Variants in CIRBP observed in about 807,000 individuals in gnomAD.
The protein encoded by CIRBP is cold inducible RNA binding protein, also known as cold-inducible RNA-binding protein.
CIRBP carries 11 observed loss-of-function variants against 22.3 expected under a neutral mutation model. The ratio of observed to expected loss-of-function variants is 0.49; its 90% CI spans 0.31 to 0.82. CIRBP has a LOEUF of 0.82. CIRBP is among the 40% of genes least tolerant of loss of function. The probability of loss-of-function intolerance (pLI) is 0.05; values close to 1 mark genes in which losing one functional copy is unlikely to be tolerated. For missense variants in CIRBP, 456 were observed against 402.7 expected (o/e 1.13, Z -1.13); for synonymous variants, 216 against 158.8 (o/e 1.36, Z -2.71).
At position 1,271,971 on chromosome 19, in the gene CIRBP, T is replaced by C. The variant is rs1199699181; in HGVS notation, c.432-10T>C. On this transcript the variant is annotated splice_polypyrimidine_tract_variant and intron_variant, in intron 5 of 5. Transcript: ENST00000587896. ...TACCTTCCGGTACTCAACGTTTGTC[T>C]GTCTTGCAGCCGGAGTCAGAGTGGT... The C allele has an allele frequency of 6.2e-7, 1 of 1,602,428 alleles. No homozygotes were observed. The highest frequency in any genetic ancestry group is 1.1e-5 in the South Asian group (1 of 90,472).
At position 1,271,692 on chromosome 19, in the gene CIRBP, G is replaced by A. The variant is rs568775088; in HGVS notation, c.431+60G>A. ...TGCGGGATGGCCAGCTTCCGTCCCGGGTCCCAGGTCCCTGGGGGAGCTGAG... is the reference window on the plus strand; with the variant it reads ...TGCGGGATGGCCAGCTTCCGTCCCGAGTCCCAGGTCCCTGGGGGAGCTGAG... On this transcript the variant is annotated intron_variant, in intron 5 of 5. Coordinates refer to ENST00000587896, the MANE Select transcript of CIRBP (RefSeq NM_001300829.2). The A allele has an allele frequency of 3.7e-6, 4 of 1,090,064 alleles. No individual in the cohort carries two copies. In the East Asian group the frequency reaches 9.9e-5, roughly 27 times the overall value. The allele number at this position is 1,090,064 out of a possible 1,614,324, so 67.5% of individuals were successfully genotyped here.
At chr19:1,269,580 G>A (rs1251596370) in intron 1 of CIRBP, among the ~76,000 whole-genome samples, 170 bp downstream of exon 1, 3 of 151,602 alleles carry the variant, frequency 2.0e-5, no homozygotes, top group Non-Finnish European at 4.4e-5. Context: ...GTAGCGGCCA[G>A]AGGGCCTCTC....
intron 1 of CIRBP, chr19:1,269,739 G>GCGGGGC (rs1382078507): frequency 3.1e-5 from 12 of 383,790 alleles, no homozygotes; most frequent in South Asian, 2.3e-4. Flanking sequence ...CGCGGCGGGG[G>GCGGGGC]CGGGGCCACG....
chr19:1,271,869 T>C (rs577538184), intron 5 of CIRBP, 112 bp from the exon 6 acceptor site: 1 of 950,996 alleles, frequency 1.1e-6, no homozygotes. Context: ...GCTGGGGTCC[T>C]TGTTGTGTCC....
Position 1,272,519 on chromosome 19 carries a change from G to C in CIRBP, c.*76G>C. On this transcript the variant is annotated 3_prime_UTR_variant, in exon 6 of 6. Transcript: ENST00000587896. ...TGTGGGAGCTTCGCTGAACGTTAAT[G>C]TGTAGTAAATGCACCTCCTTGTATT... The C allele has an allele frequency of 8.0e-7, 1 of 1,248,442 alleles. No individual in the cohort carries two copies. Among genetic ancestry groups the C allele is most frequent in the East Asian group, 2.3e-5 (1 of 42,620 alleles). 77.3% of individuals were successfully genotyped at this position (1,248,442 alleles called of 1,614,324 possible). A position where few individuals can be genotyped will look rare whatever the true frequency, so the allele number is the denominator to read the frequency against.
In CIRBP at chr19:1,274,129, A is replaced by G. The variant is rs1049297741; in HGVS notation, c.*1686A>G. 5.1e-6 allele frequency: 2 copies of G among 392,348 alleles called. No homozygotes were observed. Among genetic ancestry groups the G allele is most frequent in the African/African-American group, 2.1e-5 (1 of 48,588 alleles). 24.3% of individuals were successfully genotyped at this position (392,348 alleles called of 1,614,324 possible). A position where few individuals can be genotyped will look rare whatever the true frequency, so the allele number is the denominator to read the frequency against. On this transcript the variant is annotated 3_prime_UTR_variant, in exon 6 of 6. Coordinates refer to ENST00000587896, the MANE Select transcript of CIRBP (RefSeq NM_001300829.2). ...CCATCCCATACGGGTAGCTGGCTCC[A>G]GCTGCGCCAAGGTGCAGACCCGCCC... is the stretch of plus-strand genomic sequence containing the variant.
At chr19:1,271,783 C>G in intron 5 of CIRBP, 151 bp downstream of exon 5, 1 of 704,094 alleles carries the variant, frequency 1.4e-6, no homozygotes, top group East Asian at 2.7e-5. Context: ...GGAGACTGCT[C>G]AGGACATTCG....
chr19:1,271,873 T>C (rs1462305493), intron 5 of CIRBP, 108 bp from the exon 6 acceptor site: 3 of 979,774 alleles, frequency 3.1e-6, no homozygotes, highest in Non-Finnish European at 4.7e-6. Flanking sequence ...GGGTCCTTGT[T>C]GTGTCCCCAG....
rs764673838 is a variant in CIRBP, at chr19:1,271,383, C to T, written c.265C>T (p.Arg89Ter). The part of the protein sequence containing the change: ...VDQAGKSSDN[R>*]SRGYRGGSAG... Reference sequence around the variant, plus strand: ...CCAGGCAGGCAAGTCGTCAGACAACCGATCCCGTGGGTACCGTGGTGGCTC... The same window carrying T: ...CCAGGCAGGCAAGTCGTCAGACAACTGATCCCGTGGGTACCGTGGTGGCTC... The change falls in exon 4 of 6, where the codon CGA (arginine) becomes TGA (stop). Residue 89 changes from arginine (R) to a stop codon, truncating the protein, a stop_gained. Transcript: ENST00000587896. LOFTEE classifies it high-confidence loss of function. 1.9e-6 allele frequency: 3 copies of T among 1,613,934 alleles called. No homozygotes were observed. The highest frequency in any genetic ancestry group is 2.5e-6 in the Non-Finnish European group (3 of 1,180,018).
Position 1,271,341 on chromosome 19 carries a change from C to T in CIRBP, c.223C>T (p.Arg75Trp). Residue 75 changes from arginine (R) to tryptophan (W), a missense_variant, in exon 4 of 6, where the codon CGG becomes TGG. Physicochemically the swap from Arg to Trp is moderately radical, Grantham distance 101. Transcript: ENST00000587896. ...CCTCTGTCTCCAGTCTGTAGATGGA[C>T]GGCAGATCCGAGTAGACCAGGCAGG... ...MAMNGKSVDG[R>W]QIRVDQAGKS... 8 of 1,614,010 alleles carry T rather than the reference C, an allele frequency of 5.0e-6. No individual in the cohort carries two copies. The highest frequency in any genetic ancestry group is 1.1e-5 in the South Asian group (1 of 91,084).
chr19:1,270,057 C>T (rs1458421621), intron 1 of CIRBP: 2 of 519,814 alleles, frequency 3.8e-6, no homozygotes, highest in Non-Finnish European at 7.7e-6. Context: ...TCTGTGTCAG[C>T]ACTGACCGCC....
At position 1,272,176 on chromosome 19, in the gene CIRBP, G is replaced by T; in HGVS notation, c.627G>T (p.Glu209Asp). The T allele has an allele frequency of 6.2e-7, 1 of 1,602,416 alleles. No individual in the cohort carries two copies. The highest frequency in any genetic ancestry group is 8.5e-7 in the Non-Finnish European group (1 of 1,175,146). Reference sequence around the variant, plus strand: ...CTTGTCACTGTGCTTGCCCAGAAGAGGCGCATCTGTCCTCTCAGAGCCATT... The same window carrying T: ...CTTGTCACTGTGCTTGCCCAGAAGATGCGCATCTGTCCTCTCAGAGCCATT... ...LRPCHCACPE[E>D]AHLSSQSHFY... is the part of the protein sequence containing the mutation. Residue 209 changes from glutamate (E) to aspartate (D), a missense_variant, in exon 6 of 6, where the codon GAG becomes GAT. Physicochemically the swap from Glu to Asp is conservative, Grantham distance 45. Around this residue, in one of 2 missense-constraint regions of CIRBP, gnomAD observed 426 missense variants for 339.6 expected, o/e 1.25. Transcript: ENST00000587896.
In CIRBP at chr19:1,271,051, G is replaced by C. The variant is rs2081330717; in HGVS notation, c.103+15G>C. 2 of 1,612,540 alleles carry C rather than the reference G, an allele frequency of 1.2e-6. No homozygotes were observed. The highest frequency in any genetic ancestry group is 8.5e-7 in the Non-Finnish European group (1 of 1,178,790). On this transcript the variant is annotated intron_variant, in intron 2 of 5. Transcript: ENST00000587896. ...GATCTCTGAAGGTGAGGCTGCTGCTGGGCCCGCGGCCCTGGGCGGGGGGGC... is the reference window on the plus strand; with the variant it reads ...GATCTCTGAAGGTGAGGCTGCTGCTCGGCCCGCGGCCCTGGGCGGGGGGGC...
Position 1,271,581 on chromosome 19 carries a change from G to A in CIRBP, c.380G>A (p.Arg127Gln), listed in dbSNP as rs938872187. The A allele has an allele frequency of 1.1e-5, 17 of 1,575,748 alleles. No homozygotes were observed. The highest frequency in any genetic ancestry group is 2.2e-5 in the East Asian group (1 of 44,622). ...GGGDRGYGGN[R>Q]FESRSGGYGG... The stretch of plus-strand genomic sequence containing the variant: ...GGGGACCGAGGCTATGGGGGGAACC[G>A]GTTCGAGTCCAGGAGTGGGGGCTAC... The change falls in exon 5 of 6, where the codon CGG (arginine) becomes CAG (glutamine). Residue 127 changes from arginine (R) to glutamine (Q), a missense_variant. Arg to Gln is a conservative substitution (Grantham distance 43, BLOSUM62 1). Around this residue, in one of 2 missense-constraint regions of CIRBP, gnomAD observed 426 missense variants for 339.6 expected, o/e 1.25. Coordinates refer to ENST00000587896, the MANE Select transcript of CIRBP (RefSeq NM_001300829.2).
intron 1 of CIRBP, chr19:1,269,752 G>C (rs1323595641): frequency 1.0e-5 from 4 of 401,808 alleles, no homozygotes; most frequent in African/African-American, 6.2e-5. Flanking sequence ...GGGCCACGTG[G>C]CGCCCCCGGT....
At position 1,273,975 on chromosome 19, in the gene CIRBP, C is replaced by T. The variant is rs1284161641; in HGVS notation, c.*1532C>T. 4.3e-6 allele frequency: 1 copy of T among 234,452 alleles called. No homozygotes were observed. Among genetic ancestry groups the T allele is most frequent in the Non-Finnish European group, 8.2e-6 (1 of 122,252 alleles). The allele number at this position is 234,452 out of a possible 1,614,324, so 14.5% of individuals were successfully genotyped here. On this transcript the variant is annotated 3_prime_UTR_variant, in exon 6 of 6. Coordinates refer to ENST00000587896, the MANE Select transcript of CIRBP (RefSeq NM_001300829.2). ...GATTGAAGACCAGTGAACGCCCCCG[C>T]CTTTTGGATTTTTTGCTCAATTGAC... is the stretch of plus-strand genomic sequence containing the variant.
intron 5 of CIRBP, 61 bp from the exon 6 acceptor site, chr19:1,271,920 G>C: frequency 2.1e-6 from 3 of 1,459,868 alleles, no homozygotes; most frequent in Non-Finnish European, 1.9e-6. Flanking sequence ...GGCTCAGCCT[G>C]TTGTGGCAGA....
Position 1,271,206 on chromosome 19 carries a change from T to C in CIRBP, c.170T>C (p.Ile57Thr), listed in dbSNP as rs768762783. ...RGFGFVTFEN[I>T]DDAKDAMMAM... is the part of the protein sequence containing the mutation. ...TTTGGGTTTGTCACCTTTGAGAACA[T>C]TGACGACGCTAAGGATGCCATGATG... is the stretch of plus-strand genomic sequence containing the variant. The change falls in exon 3 of 6, where the codon ATT becomes ACT. Residue 57 changes from isoleucine (I) to threonine (T), a missense_variant. Ile to Thr is a moderately conservative substitution (Grantham distance 89). Around this residue, in one of 2 missense-constraint regions of CIRBP, gnomAD observed 426 missense variants for 339.6 expected, o/e 1.25. Coordinates refer to ENST00000587896, the MANE Select transcript of CIRBP (RefSeq NM_001300829.2). 111 of 1,613,892 alleles carry C rather than the reference T, an allele frequency of 6.9e-5. No homozygotes were observed. The highest frequency in any genetic ancestry group is 9.3e-5 in the African/African-American group (7 of 74,918).
chr19:1,270,783 A>T (rs2081326109), intron 1 of CIRBP, 145 bp from the exon 2 acceptor site: 3 of 695,620 alleles, frequency 4.3e-6, no homozygotes, highest in African/African-American at 1.8e-5. Flanking sequence ...AATAAGTCCT[A>T]GGTATGAGTT....
Sources: gnomAD v4.1 joint callset for allele counts (sites outside exome capture counted in the v4.1 genomes callset) on GRCh38, gnomAD v4.1.1 for gene constraint, gnomAD v4.1.1 regional missense constraint, MANE v1.5 for transcripts, NCBI Gene and HGNC (gene_info 2026-07-23, HGNC 2026-07-21) for gene names.